Variants in FMR1 observed in about 807,000 individuals in gnomAD.
FMR1 encodes FMRP translational regulator 1.
A neutral mutation model predicts 50.6 loss-of-function variants in FMR1; 13 were observed. That is an observed-to-expected ratio of 0.26 (90% CI 0.17 to 0.41). FMR1 has a LOEUF of 0.41. FMR1 is among the 10% of genes least tolerant of loss of function. The pLI is 1.00. For missense variants in FMR1, 316 were observed against 491.3 expected, an observed-to-expected ratio of 0.64 and a Z score of 3.37; for synonymous variants, 138 against 164.1, an observed-to-expected ratio of 0.84 and a Z score of 1.22.
At chrX:147,916,601 C>G (rs1353342504) in intron 1 of FMR1, among the ~76,000 whole-genome samples, 2 of 108,802 alleles carry the variant, frequency 1.8e-5, no homozygotes, top group African/African-American at 6.7e-5. Flanking sequence ...CCTTTCTTTC[C>G]TTTCTTCCTT....
At chrX:147,918,522 ATCATCCG>A (rs1286307704) in intron 1 of FMR1, among the ~76,000 whole-genome samples, 1 of 96,942 alleles carries the variant, frequency 1.0e-5, no homozygotes, top group Non-Finnish European at 2.0e-5. Flanking sequence ...ACATCCGGAA[ATCATCCG>A]GAAATGCATT....
chrX:147,950,401 T>C lies in FMR1; in HGVS notation c.*1557T>C. ...TCTAGTTATTTATTCTGGGAATGTA[T>C]AGTATTTGAAAACAGAAATTGGTAC... On this transcript the variant is annotated 3_prime_UTR_variant, in exon 17 of 17. Coordinates refer to ENST00000370475, the MANE Select transcript of FMR1 (RefSeq NM_002024.6). The C allele has an allele frequency of 3.0e-6, 1 of 329,868 alleles. No individual in the cohort carries two copies. The highest frequency in any genetic ancestry group is 5.9e-6 in the Non-Finnish European group (1 of 169,935). The allele number at this position is 329,868 out of a possible 1,213,427, so 27.2% of individuals were successfully genotyped here. A position where few individuals can be genotyped will look rare whatever the true frequency, so the allele number is the denominator to read the frequency against.
chrX:147,946,189 A>T (rs1208938880), intron 16 of FMR1, among the ~76,000 whole-genome samples: 5 of 112,127 alleles, frequency 4.5e-5, no homozygotes, highest in Admixed American at 9.4e-5. Flanking sequence ...CTATGATTTT[A>T]ATACCACATT....
At position 147,915,031 on chromosome X, in the gene FMR1, G is replaced by C. The variant is rs147776324; in HGVS notation, c.51+2801G>C. On this transcript the variant is annotated intron_variant, in intron 1 of 16. Transcript: ENST00000370475. ...CTAAAGATGGAAAAATCACATGTTG[G>C]AGACATAAGATACAAACCTTTTTGT... Among the ~76,000 whole-genome samples the C allele has an allele frequency of 7.5e-3, 837 of 111,732 alleles. 8 individuals are homozygous for C. Among genetic ancestry groups the C allele is most frequent in the African/African-American group, 0.026 (804 of 30,814 alleles).
intron 1 of FMR1, among the ~76,000 whole-genome samples, chrX:147,916,403 T>C (rs782123158): frequency 9.0e-6 from 1 of 111,372 alleles, no homozygotes; most frequent in South Asian, 3.8e-4. Flanking sequence ...TTTATTCTTT[T>C]ATGTTGTTAG....
At chrX:147,944,270 T>A in intron 14 of FMR1, 13 of 753,644 alleles carry the variant, frequency 1.7e-5, no homozygotes, top group Non-Finnish European at 2.0e-5. Flanking sequence ...TAATTCTTTA[T>A]TAATGATCAA....
At chrX:147,946,708 C>T (rs978428772) in intron 16 of FMR1, among the ~76,000 whole-genome samples, 2 of 112,259 alleles carry the variant, frequency 1.8e-5, no homozygotes, top group East Asian at 2.8e-4. Context: ...TCTATGTTGT[C>T]GTCTACTTTT....
chrX:147,938,913 A>G (rs1373589684), intron 12 of FMR1, among the ~76,000 whole-genome samples: 5 of 111,607 alleles, frequency 4.5e-5, no homozygotes, highest in African/African-American at 6.5e-5. Context: ...TTAATTTACT[A>G]TTCAGGTCTA....
rs1557183250 is a variant in FMR1, at chrX:147,950,052, A to C, written c.*1208A>C. 1 of 314,501 alleles carries C rather than the reference A, an allele frequency of 3.2e-6. No individual in the cohort carries two copies. The highest frequency in any genetic ancestry group is 3.5e-5 in the Admixed American group (1 of 28,472). The allele number at this position is 314,501 out of a possible 1,213,427, so 25.9% of individuals were successfully genotyped here. On this transcript the variant is annotated 3_prime_UTR_variant, in exon 17 of 17. Coordinates refer to ENST00000370475, the MANE Select transcript of FMR1 (RefSeq NM_002024.6). ...TTTCTTTTTTTCTTTTGTTTTTTGA[A>C]GTGTTGGGGTTTGGTTTTGTTTTTT... is the stretch of plus-strand genomic sequence containing the variant.
At chrX:147,921,289 A>G (rs1188400148) in intron 1 of FMR1, among the ~76,000 whole-genome samples, 2 of 111,231 alleles carry the variant, frequency 1.8e-5, no homozygotes, top group Non-Finnish European at 3.8e-5. Flanking sequence ...GTCTTTGTGT[A>G]GATTACTAAC....
At chrX:147,918,521 A>C (rs1036025002) in intron 1 of FMR1, among the ~76,000 whole-genome samples, 2 of 99,899 alleles carry the variant, frequency 2.0e-5, no homozygotes, top group Non-Finnish European at 3.9e-5. Flanking sequence ...TACATCCGGA[A>C]ATCATCCGGA....
intron 2 of FMR1, 81 bp downstream of exon 2, chrX:147,922,066 C>A: frequency 3.2e-6 from 2 of 624,473 alleles, no homozygotes; most frequent in Non-Finnish European, 5.2e-6. Context: ...TTTAAAAATT[C>A]AAGTCCAGTT....
At chrX:147,948,131 G>C (rs1181662440) in intron 16 of FMR1, among the ~76,000 whole-genome samples, 1 of 112,063 alleles carries the variant, frequency 8.9e-6, no homozygotes, top group Admixed American at 9.5e-5. Flanking sequence ...AGAAACCAAA[G>C]CTCGTGTTTT....
At chrX:147,922,019 G>A (rs1322715135) in intron 2 of FMR1, 34 bp downstream of exon 2, 3 of 860,248 alleles carry the variant, frequency 3.5e-6, no homozygotes, top group Non-Finnish European at 5.1e-6. Flanking sequence ...TAATGATGAG[G>A]TTCTTTAATA....
chrX:147,930,088 A>G, intron 6 of FMR1, 40 bp from the exon 7 acceptor site: 2 of 1,142,552 alleles, frequency 1.8e-6, no homozygotes, highest in Middle Eastern at 2.4e-4. Flanking sequence ...CATCTGGGGC[A>G]ATTGCCTTGA....
chrX:147,916,159 A>G (rs1021101469), intron 1 of FMR1, among the ~76,000 whole-genome samples: 1 of 112,457 alleles, frequency 8.9e-6, no homozygotes, highest in Non-Finnish European at 1.9e-5. Context: ...TGACCCTGCT[A>G]GGAAATTTGT....
At chrX:147,933,638 A>G (rs2043685436) in intron 9 of FMR1, 6 of 839,119 alleles carry the variant, frequency 7.2e-6, no homozygotes, top group Non-Finnish European at 8.7e-6. Flanking sequence ...AGTTTTATCA[A>G]GAAAGCTACA....
At chrX:147,934,811 T>G (rs1372925262) in intron 9 of FMR1, among the ~76,000 whole-genome samples, 2 of 112,224 alleles carry the variant, frequency 1.8e-5, no homozygotes, top group African/African-American at 6.5e-5. Flanking sequence ...TGTAAGATTC[T>G]GCAAGGCAGA....
chrX:147,941,754 G>T (rs2044014224), intron 13 of FMR1, among the ~76,000 whole-genome samples: 2 of 111,733 alleles, frequency 1.8e-5, no homozygotes, highest in East Asian at 2.8e-4. Context: ...ATGAAGGCCT[G>T]GAGAGTTAGG....
Sources: allele counts gnomAD v4.1 joint callset (sites outside exome capture counted in the v4.1 genomes callset), GRCh38; gene constraint gnomAD v4.1.1; transcripts MANE v1.5; gene names NCBI Gene and HGNC (gene_info 2026-07-23, HGNC 2026-07-21).